Variants in OPCML observed in about 807,000 individuals in gnomAD.
The protein encoded by OPCML is opioid-binding protein/cell adhesion molecule.
OPCML carries 13 observed loss-of-function variants against 37.8 expected under a neutral mutation model. That is an observed-to-expected ratio of 0.34 (90% CI 0.22 to 0.55). OPCML has a LOEUF of 0.55. Among genes scored for constraint, OPCML ranks in the 20% least tolerant of loss-of-function variants. The pLI is 0.91. For synonymous variants in OPCML, 176 were observed against 168.8 expected (o/e 1.04, Z -0.33); for missense variants, 341 against 435.6 (o/e 0.78, Z 1.93).
intron 2 of OPCML, among the ~76,000 whole-genome samples, chr11:132,745,857 TA>T (rs1945616426): frequency 6.6e-6 from 1 of 152,106 alleles, no homozygotes; most frequent in Non-Finnish European, 1.5e-5. Context: ...AGCAGAAACA[TA>T]GCAATAGAAG....
At chr11:132,868,096 CT>C (rs1286241560) in intron 2 of OPCML, among the ~76,000 whole-genome samples, 5 of 152,136 alleles carry the variant, frequency 3.3e-5, no homozygotes, top group Admixed American at 1.3e-4. Flanking sequence ...TGTATTAAGC[CT>C]GCTACTTCTG....
At chr11:132,533,972 ATGAC>A (rs2096333347) in intron 3 of OPCML, among the ~76,000 whole-genome samples, 1 of 152,164 alleles carries the variant, frequency 6.6e-6, no homozygotes, top group African/African-American at 2.4e-5. Flanking sequence ...TATACACACA[ATGAC>A]TGACATGCAG....
chr11:132,760,814 G>T (rs1457198747), intron 2 of OPCML, among the ~76,000 whole-genome samples: 1 of 151,968 alleles, frequency 6.6e-6, no homozygotes, highest in Non-Finnish European at 1.5e-5. Context: ...GATTAATATT[G>T]TTATGTGTGA....
chr11:133,414,407 G>A (rs1482355136), intron 1 of OPCML, among the ~76,000 whole-genome samples: 1 of 152,068 alleles, frequency 6.6e-6, no homozygotes, highest in Non-Finnish European at 1.5e-5. Context: ...GGGATTCCTA[G>A]GGGAAAATAA....
intron 1 of OPCML, among the ~76,000 whole-genome samples, chr11:133,284,951 G>A (rs1446744852): frequency 6.6e-6 from 1 of 152,040 alleles, no homozygotes; most frequent in Non-Finnish European, 1.5e-5. Flanking sequence ...GGAGTCTGGG[G>A]GCAGTGGGGG....
At chr11:132,814,295 T>C (rs1005182049) in intron 2 of OPCML, among the ~76,000 whole-genome samples, 2 of 152,188 alleles carry the variant, frequency 1.3e-5, no homozygotes, top group African/African-American at 4.8e-5. Context: ...GTATTTATTA[T>C]GAGAAATTGG....
chr11:132,846,931 G>C (rs529396888), intron 2 of OPCML, among the ~76,000 whole-genome samples: 2 of 152,078 alleles, frequency 1.3e-5, no homozygotes, highest in South Asian at 4.1e-4. Flanking sequence ...GTAATATAAG[G>C]TCCCCCCAGT....
rs1268771709 is a variant in OPCML at position 132,931,367 on chromosome 11, A to G, written c.146+11559T>C. 2.0e-5 allele frequency among the ~76,000 whole-genome samples: 3 copies of G among 152,336 alleles called. No homozygotes were observed. In the East Asian group the frequency reaches 5.8e-4, roughly 29 times the overall value. On this transcript the variant is annotated intron_variant, in intron 2 of 7. Coordinates refer to ENST00000524381, the MANE Select transcript of OPCML (RefSeq NM_001012393.5). ...GCCTTCTTCATCAAAAGACACTATC[A>G]AAAGAGTAATAAGGCAATCCACAGA...
intron 4 of OPCML, among the ~76,000 whole-genome samples, chr11:132,438,778 G>A (rs1022210685): frequency 5.3e-5 from 8 of 152,128 alleles, no homozygotes; most frequent in Admixed American, 2.6e-4. Context: ...GTAAGGGTCT[G>A]TGGAGGTGGG....
chr11:133,496,140 T>C (rs180931827), intron 1 of OPCML, among the ~76,000 whole-genome samples: 1 of 152,320 alleles, frequency 6.6e-6, no homozygotes, highest in Non-Finnish European at 1.5e-5. Flanking sequence ...TATCCCAGCA[T>C]CATTTGTGGA....
intron 4 of OPCML, among the ~76,000 whole-genome samples, chr11:132,450,226 C>T (rs547068342): frequency 9.6e-4 from 146 of 152,296 alleles, no homozygotes; most frequent in Non-Finnish European, 4.4e-4. Flanking sequence ...TGTTTCCCAC[C>T]AGCCCAAATT....
At chr11:133,397,453 C>T (rs2136827440) in intron 1 of OPCML, among the ~76,000 whole-genome samples, 1 of 152,314 alleles carries the variant, frequency 6.6e-6, no homozygotes, top group African/African-American at 2.4e-5. Context: ...GTATTTGTAG[C>T]TTATGTACTG....
chr11:133,355,837 G>T (rs78072106), intron 1 of OPCML, among the ~76,000 whole-genome samples: 4,233 of 152,288 alleles, frequency 0.028, 194 homozygotes, highest in African/African-American at 0.097. Flanking sequence ...ATAGAACTAT[G>T]CAGTTGCAGC....
intron 1 of OPCML, among the ~76,000 whole-genome samples, chr11:133,506,056 A>C (rs1292590554): frequency 6.6e-6 from 1 of 152,198 alleles, no homozygotes; most frequent in Non-Finnish European, 1.5e-5. Context: ...TAGAATAATA[A>C]TGTCTTACAT....
At chr11:133,271,436 C>T (rs1383141372) in intron 1 of OPCML, among the ~76,000 whole-genome samples, 1 of 152,158 alleles carries the variant, frequency 6.6e-6, no homozygotes, top group East Asian at 1.9e-4. Context: ...GCCTTAAACA[C>T]ATTAAGGATC....
At chr11:132,856,227 G>A (rs985305736) in intron 2 of OPCML, among the ~76,000 whole-genome samples, 3 of 152,120 alleles carry the variant, frequency 2.0e-5, no homozygotes, top group African/African-American at 4.8e-5. Flanking sequence ...TCAATAAATC[G>A]ATTGAAGCAT....
At chr11:132,834,558 C>T (rs1160952342) in intron 2 of OPCML, among the ~76,000 whole-genome samples, 3 of 152,220 alleles carry the variant, frequency 2.0e-5, no homozygotes, top group Non-Finnish European at 4.4e-5. Context: ...CCTTCTTTGG[C>T]CTGCGGCAGC....
intron 1 of OPCML, among the ~76,000 whole-genome samples, chr11:133,414,649 C>G (rs1945722509): frequency 1.3e-5 from 2 of 152,148 alleles, no homozygotes; most frequent in South Asian, 4.1e-4. Flanking sequence ...GGCTTTGAGA[C>G]GAAGCCAGTT....
Position 132,567,921 on chromosome 11 carries a change from G to A in OPCML, c.380-38735C>T, listed in dbSNP as rs1367244603. On this transcript the variant is annotated intron_variant, in intron 3 of 7. Coordinates refer to ENST00000524381, the MANE Select transcript of OPCML (RefSeq NM_001012393.5). ...TTTGGTCATGTATGTGCCATTCACAGACAGAAGCCTGGGAAAATGGCAACA... is the reference window on the plus strand; with the variant it reads ...TTTGGTCATGTATGTGCCATTCACAAACAGAAGCCTGGGAAAATGGCAACA... Among the ~76,000 whole-genome samples the A allele has an allele frequency of 3.3e-5, 5 of 152,174 alleles. No individual in the cohort carries two copies. In the South Asian group the frequency reaches 1.0e-3, roughly 32 times the overall value.
Sources: allele counts gnomAD v4.1 joint callset (sites outside exome capture counted in the v4.1 genomes callset), GRCh38; gene constraint gnomAD v4.1.1; transcripts MANE v1.5; gene names NCBI Gene and HGNC (gene_info 2026-07-23, HGNC 2026-07-21).